EXOC6B: variants seen among roughly 807,000 people sequenced by gnomAD.
The protein encoded by EXOC6B is SEC15 homolog B.
A neutral mutation model predicts 113.5 loss-of-function variants in EXOC6B; 54 were observed. The observed-to-expected ratio is 0.48, with a 90% CI of 0.38 to 0.60. The LOEUF (loss-of-function observed/expected upper bound fraction) is 0.60, where lower values mean the gene tolerates loss of function less well. Ranked by LOEUF, EXOC6B falls within the 20% of genes least tolerant of loss-of-function variation. The pLI, the probability that EXOC6B is intolerant of heterozygous loss-of-function variation, is 0.00. For synonymous variants in EXOC6B, 357 were observed against 339.0 expected (o/e 1.05, Z -0.58); for missense variants, 797 against 977.5 (o/e 0.82, Z 2.46).
intron 20 of EXOC6B, among the ~76,000 whole-genome samples, chr2:72,222,314 G>A (rs10490040): frequency 0.084 from 12,817 of 152,162 alleles, 846 homozygotes; most frequent in African/African-American, 0.18. Context: ...ACAATTGATC[G>A]CAAAAGGCTT....
intron 17 of EXOC6B, among the ~76,000 whole-genome samples, chr2:72,470,694 A>C (rs1698348664): frequency 7.5e-6 from 1 of 133,150 alleles, no homozygotes; most frequent in African/African-American, 2.9e-5. Context: ...TTCAATTCCC[A>C]CCTAGGAGTG....
intron 6 of EXOC6B, among the ~76,000 whole-genome samples, chr2:72,641,051 T>C (rs541218058): frequency 3.3e-5 from 5 of 152,158 alleles, no homozygotes; most frequent in Non-Finnish European, 7.3e-5. Context: ...CTGACAATAT[T>C]TGACAGATTA....
chr2:72,699,431 T>C (rs1678133781), intron 6 of EXOC6B, among the ~76,000 whole-genome samples: 1 of 146,774 alleles, frequency 6.8e-6, no homozygotes, highest in African/African-American at 2.5e-5. Flanking sequence ...TGAGCCAAGA[T>C]CGCGCCACTG....
chr2:72,418,005 T>C (rs951332869), intron 18 of EXOC6B, among the ~76,000 whole-genome samples: 3 of 152,184 alleles, frequency 2.0e-5, no homozygotes, highest in Admixed American at 6.5e-5. Flanking sequence ...AAAGTGATTA[T>C]TGACATGTTT....
At position 72,394,948 on chromosome 2, in the gene EXOC6B, G is replaced by A. The variant is rs547632603; in HGVS notation, c.1981-15078C>T. ...TTAAGTGGAGCCCTCCCAGATGCCA[G>A]ATCCCCAATCCAAGGATGATCTGTA... is the stretch of plus-strand genomic sequence containing the variant. On this transcript the variant is annotated intron_variant, in intron 18 of 21. Transcript: ENST00000272427. Among the ~76,000 whole-genome samples the A allele has an allele frequency of 3.3e-5, 5 of 152,038 alleles. No individual in the cohort carries two copies. The East Asian group carries it at 7.7e-4, about 24-fold the overall frequency.
At chr2:72,648,015 T>C (rs1673868245) in intron 6 of EXOC6B, among the ~76,000 whole-genome samples, 1 of 152,078 alleles carries the variant, frequency 6.6e-6, no homozygotes, top group Non-Finnish European at 1.5e-5. Flanking sequence ...GGGAGAAAAT[T>C]TTGCAATCTA....
In EXOC6B at chr2:72,590,180, G is replaced by A. The variant is rs551345152; in HGVS notation, c.670-14512C>T. Among the ~76,000 whole-genome samples, 22 of 151,986 alleles carry A rather than the reference G, an allele frequency of 1.4e-4. No individual in the cohort carries two copies. In the South Asian group the frequency reaches 1.7e-3, roughly 11 times the overall value. On this transcript the variant is annotated intron_variant, in intron 6 of 21. Transcript: ENST00000272427. ...GAGATGAAGGATGGGTGATTCAAAC[G>A]CATATAAGACAACTTATCATAGACA...
In EXOC6B at chr2:72,826,022, C is replaced by CA. The variant is rs1686892995; in HGVS notation, c.-113_-112insT. ...CACAGCCGCCCCAGCCTCTGGCTAC[C>CA]CGCAGGCCGACCCCTCCCTCAGGCT... On this transcript the variant is annotated 5_prime_UTR_variant, in exon 1 of 22. Coordinates refer to ENST00000272427, the MANE Select transcript of EXOC6B (RefSeq NM_015189.3). 1 of 1,479,872 alleles carries CA rather than the reference C, an allele frequency of 6.8e-7. No homozygotes were observed. Among genetic ancestry groups the CA allele is most frequent in the Admixed American group, 2.1e-5 (1 of 47,834 alleles). 91.7% of individuals were successfully genotyped at this position (1,479,872 alleles called of 1,614,324 possible). A position where few individuals can be genotyped will look rare whatever the true frequency, so the allele number is the denominator to read the frequency against.
At chr2:72,656,776 GGTGT>G (rs1280567710) in intron 6 of EXOC6B, among the ~76,000 whole-genome samples, 2 of 152,170 alleles carry the variant, frequency 1.3e-5, no homozygotes, top group Non-Finnish European at 2.9e-5. Flanking sequence ...CATTTTTAGT[GGTGT>G]GTAAGTGTAT....
At chr2:72,333,845 T>A (rs926343383) in intron 20 of EXOC6B, among the ~76,000 whole-genome samples, 36 of 152,092 alleles carry the variant, frequency 2.4e-4, no homozygotes, top group Non-Finnish European at 4.0e-4. Flanking sequence ...ACACCACCCA[T>A]CTACAAGGAT....
rs918685035 is a variant in EXOC6B at position 72,454,414 on chromosome 2, C to A, written c.1980+10746G>T. 7.9e-5 allele frequency among the ~76,000 whole-genome samples: 12 copies of A among 151,892 alleles called. No individual in the cohort carries two copies. In the East Asian group the frequency reaches 9.7e-4, roughly 12 times the overall value. On this transcript the variant is annotated intron_variant, in intron 18 of 21. Coordinates refer to ENST00000272427, the MANE Select transcript of EXOC6B (RefSeq NM_015189.3). ...AGACACTTTGCAGGGCTGTTGTGGG[C>A]GGATTGCTTGAGCTTGAGAGGGCGA...
chr2:72,643,228 G>A lies in EXOC6B; in HGVS notation c.670-67560C>T, dbSNP rs1366232463. 1.7e-4 allele frequency among the ~76,000 whole-genome samples: 26 copies of A among 151,948 alleles called. No homozygotes were observed. In the South Asian group the frequency reaches 5.2e-3, roughly 31 times the overall value. On this transcript the variant is annotated intron_variant, in intron 6 of 21. Coordinates refer to ENST00000272427, the MANE Select transcript of EXOC6B (RefSeq NM_015189.3). ...GGTGACTCCTCAGGGATCTAGAACT[G>A]GAAATACCATTTGACCCAGCCATCC...
At chr2:72,476,014 T>C (rs547099460) in intron 17 of EXOC6B, among the ~76,000 whole-genome samples, 6 of 152,310 alleles carry the variant, frequency 3.9e-5, no homozygotes, top group Admixed American at 3.9e-4. Context: ...GCGCTATCTG[T>C]TGGAGTCAGG....
At chr2:72,368,974 T>C (rs1235578332) in intron 19 of EXOC6B, among the ~76,000 whole-genome samples, 1 of 152,218 alleles carries the variant, frequency 6.6e-6, no homozygotes. Context: ...ATGCCCACTT[T>C]CACCACTCCT....
At chr2:72,357,587 G>C (rs1690043254) in intron 19 of EXOC6B, among the ~76,000 whole-genome samples, 2 of 152,002 alleles carry the variant, frequency 1.3e-5, no homozygotes, top group Non-Finnish European at 2.9e-5. Flanking sequence ...AGCTACTTAG[G>C]AGGCTGAAGC....
At chr2:72,520,212 T>A (rs189046110) in intron 8 of EXOC6B, among the ~76,000 whole-genome samples, 9 of 152,208 alleles carry the variant, frequency 5.9e-5, no homozygotes, top group African/African-American at 2.2e-4. Context: ...ATAACTGGTA[T>A]GCAATTTTCA....
At chr2:72,482,856 T>A (rs1490435966) in intron 16 of EXOC6B, among the ~76,000 whole-genome samples, 2 of 152,164 alleles carry the variant, frequency 1.3e-5, no homozygotes, top group African/African-American at 4.8e-5. Context: ...AGATAACTAC[T>A]TTGAAACACA....
intron 19 of EXOC6B, among the ~76,000 whole-genome samples, chr2:72,353,674 G>A (rs1301997346): frequency 6.6e-6 from 1 of 151,384 alleles, no homozygotes; most frequent in Non-Finnish European, 1.5e-5. Context: ...ATGCCCAGGT[G>A]TAATGAAAAC....
chr2:72,321,241 C>T (rs917247500), intron 20 of EXOC6B, among the ~76,000 whole-genome samples: 2 of 152,136 alleles, frequency 1.3e-5, no homozygotes, highest in African/African-American at 2.4e-5. Context: ...TATATGTTCA[C>T]ATAAAAACCT....
Sources: gnomAD v4.1 joint callset for allele counts (sites outside exome capture counted in the v4.1 genomes callset) on GRCh38, gnomAD v4.1.1 for gene constraint, MANE v1.5 for transcripts, NCBI Gene and HGNC (gene_info 2026-07-23, HGNC 2026-07-21) for gene names.